ELF5: variants seen among roughly 807,000 people sequenced by gnomAD.
ELF5 encodes E74 like ETS transcription factor 5, also known as ETS-related transcription factor Elf-5.
In ELF5, 31 loss-of-function variants were observed where a neutral mutation model predicts 38.2. The ratio of observed to expected loss-of-function variants is 0.81; its 90% CI spans 0.61 to 1.10. The LOEUF is 1.10. ELF5 is among the 50% of genes least tolerant of loss of function. ELF5 has a pLI of 0.00. For missense variants in ELF5, 300 were observed against 306.6 expected (o/e 0.98, Z 0.16); for synonymous variants, 121 against 112.5 (o/e 1.08, Z -0.48).
rs765567340 is a variant in ELF5 at position 34,493,401 on chromosome 11, G to A, written c.355+78C>T. On this transcript the variant is annotated intron_variant, in intron 3 of 6. Coordinates refer to ENST00000257832, the MANE Select transcript of ELF5 (RefSeq NM_001422.4). ...TAAAATTTTGCTGTGCAATTCACAC[G>A]ATGGGAAAGGACTTCTCAAAGTTGT... The A allele has an allele frequency of 8.7e-6, 12 of 1,385,824 alleles. No individual in the cohort carries two copies. The East Asian group carries it at 2.0e-4, about 23-fold the overall frequency. The allele number at this position is 1,385,824 out of a possible 1,614,324, so 85.8% of individuals were successfully genotyped here.
chr11:34,491,580 G>GT (rs767517002), intron 3 of ELF5: 2,716 of 125,466 alleles, frequency 0.022, 26 homozygotes, highest in African/African-American at 0.025. Flanking sequence ...GGACAGGTTT[G>GT]TTTTTTTTTT....
chr11:34,482,864 G>A (rs1856972388), intron 4 of ELF5, among the ~76,000 whole-genome samples: 1 of 152,084 alleles, frequency 6.6e-6, no homozygotes, highest in African/African-American at 2.4e-5. Flanking sequence ...GACTGGAAGA[G>A]ACACAAGTAG....
chr11:34,505,738 C>G lies in ELF5; in HGVS notation c.12G>C (p.Ser4=). 2 of 1,613,666 alleles carry G rather than the reference C, an allele frequency of 1.2e-6. No homozygotes were observed. The highest frequency in any genetic ancestry group is 1.7e-6 in the Non-Finnish European group (2 of 1,179,784). Residue 4 remains serine, a synonymous_variant, in exon 2 of 7, where the codon TCG becomes TCC. Transcript: ENST00000257832. ...TAGGCAGGAAGGTGCTGTGTGTCAC[C>G]GAGTCCAACATTACCCTGCAACAGC... The part of the protein sequence containing the change: MLD[S]VTHSTFLPNA...
intron 4 of ELF5, among the ~76,000 whole-genome samples, chr11:34,483,367 AG>A (rs1856983769): frequency 6.6e-6 from 1 of 151,950 alleles, no homozygotes; most frequent in Admixed American, 6.6e-5. Flanking sequence ...TGTGCACACG[AG>A]GGGGCAGGGA....
chr11:34,506,566 T>C (rs995974249), intron 1 of ELF5, among the ~76,000 whole-genome samples: 1 of 152,060 alleles, frequency 6.6e-6, no homozygotes, highest in Non-Finnish European at 1.5e-5. Context: ...CAGGCTGGAG[T>C]GTAGTGGTGT....
intron 6 of ELF5, 65 bp from the exon 7 acceptor site, chr11:34,480,379 A>G: frequency 8.0e-7 from 1 of 1,245,924 alleles, no homozygotes; most frequent in Non-Finnish European, 1.2e-6. Flanking sequence ...ACAGAACACA[A>G]ACACTGTCTC....
At chr11:34,489,014 A>C (rs1850086988) in intron 4 of ELF5, among the ~76,000 whole-genome samples, 1 of 152,000 alleles carries the variant, frequency 6.6e-6, no homozygotes, top group Non-Finnish European at 1.5e-5. Flanking sequence ...GAGATGCTAC[A>C]CCCCGGGGCC....
intron 4 of ELF5, among the ~76,000 whole-genome samples, chr11:34,483,602 A>G (rs1352570170): frequency 6.6e-6 from 1 of 151,936 alleles, no homozygotes; most frequent in African/African-American, 2.4e-5. Context: ...ATACCACACC[A>G]TACTGTACTA....
chr11:34,507,363 C>T (rs550157202), intron 1 of ELF5, among the ~76,000 whole-genome samples: 25 of 152,366 alleles, frequency 1.6e-4, no homozygotes, highest in African/African-American at 5.8e-4. Context: ...GTACTGGCAG[C>T]AGTTCCATTT....
intron 1 of ELF5, among the ~76,000 whole-genome samples, chr11:34,512,933 C>T (rs1850797751): frequency 6.6e-6 from 1 of 152,152 alleles, no homozygotes; most frequent in African/African-American, 2.4e-5. Flanking sequence ...TAACATGAAG[C>T]GATTGCACCT....
At chr11:34,507,496 A>G (rs1205053271) in intron 1 of ELF5, among the ~76,000 whole-genome samples, 1 of 152,180 alleles carries the variant, frequency 6.6e-6, no homozygotes, top group Non-Finnish European at 1.5e-5. Flanking sequence ...CAGTCCCCAC[A>G]CACTTTGGTG....
intron 4 of ELF5, among the ~76,000 whole-genome samples, chr11:34,488,761 A>T (rs576039591): frequency 6.6e-6 from 1 of 152,172 alleles, no homozygotes; most frequent in African/African-American, 2.4e-5. Flanking sequence ...ACCCCTGGAG[A>T]AAGGGTTGGT....
intron 2 of ELF5, among the ~76,000 whole-genome samples, chr11:34,504,192 C>T (rs12279919): frequency 0.06 from 9,150 of 152,224 alleles, 900 homozygotes; most frequent in African/African-American, 0.21. Context: ...AGGGAGGGCA[C>T]GGCGACTTGA....
chr11:34,508,451 C>T (rs1169486514), intron 1 of ELF5, among the ~76,000 whole-genome samples: 2 of 151,522 alleles, frequency 1.3e-5, no homozygotes, highest in Admixed American at 6.6e-5. Flanking sequence ...TGCAGTGAAC[C>T]GAGATTGTGC....
chr11:34,490,574 G>A (rs1850142048), intron 3 of ELF5, among the ~76,000 whole-genome samples: 1 of 152,218 alleles, frequency 6.6e-6, no homozygotes, highest in South Asian at 2.1e-4. Context: ...GGCATAGGAG[G>A]TTGCAAGAAG....
At chr11:34,499,092 C>CA (rs202065953) in intron 2 of ELF5, among the ~76,000 whole-genome samples, 20,097 of 143,532 alleles carry the variant, frequency 0.14, 1,469 homozygotes, top group Admixed American at 0.22. Context: ...ACTCCATTTC[C>CA]AAAAAAAAAA....
rs565673341 is a variant in ELF5, at chr11:34,490,101, C to T, written c.356-42G>A. The stretch of plus-strand genomic sequence containing the variant: ...AATCCAGAAACCATACCATGCAATC[C>T]TGGTTTCCACTGGCCAGGCCAGGAG... On this transcript the variant is annotated intron_variant, in intron 3 of 6. Transcript: ENST00000257832. The T allele has an allele frequency of 1.2e-5, 19 of 1,605,354 alleles. No individual in the cohort carries two copies. The South Asian group carries it at 2.1e-4, about 18-fold the overall frequency.
chr11:34,480,345 G>A, intron 6 of ELF5, 31 bp from the exon 7 acceptor site: 1 of 1,543,142 alleles, frequency 6.5e-7, no homozygotes, highest in Non-Finnish European at 9.0e-7. Context: ...GAAATTCTGG[G>A]AGAGCTTGCA....
chr11:34,492,152 C>T (rs1850194719), intron 3 of ELF5: 1 of 152,244 alleles, frequency 6.6e-6, no homozygotes, highest in Non-Finnish European at 1.5e-5. Context: ...GTGACTTGGT[C>T]AAACTTGTCC....
Sources: allele counts gnomAD v4.1 joint callset (sites outside exome capture counted in the v4.1 genomes callset), GRCh38; gene constraint gnomAD v4.1.1; transcripts MANE v1.5; gene names NCBI Gene and HGNC (gene_info 2026-07-23, HGNC 2026-07-21).